ROBO2: variants seen among roughly 807,000 people sequenced by gnomAD.
ROBO2 encodes roundabout guidance receptor 2.
A neutral mutation model predicts 160.8 loss-of-function variants in ROBO2; 53 were observed. The ratio of observed to expected loss-of-function variants is 0.33; its 90% CI spans 0.26 to 0.41. ROBO2 has a LOEUF of 0.41. Among genes scored for constraint, ROBO2 ranks in the 10% least tolerant of loss-of-function variants. The pLI is 1.00. For missense variants in ROBO2, 1,577 were observed against 1,722.4 expected, an observed-to-expected ratio of 0.92 and a Z score of 1.49; for synonymous variants, 664 against 611.7, an observed-to-expected ratio of 1.09 and a Z score of -1.26.
chr3:75,966,996 ATG>A (rs148962233), intron 2 of ROBO2, among the ~76,000 whole-genome samples: 6 of 151,006 alleles, frequency 4.0e-5, no homozygotes, highest in Admixed American at 2.0e-4. Flanking sequence ...GATTTCCACA[ATG>A]TGTGTGTGTG....
At chr3:76,050,994 A>G (rs529428969) in intron 2 of ROBO2, among the ~76,000 whole-genome samples, 3 of 152,294 alleles carry the variant, frequency 2.0e-5, no homozygotes, top group South Asian at 4.1e-4. Flanking sequence ...ATATCCTGTG[A>G]TGAGTTTATC....
At chr3:75,907,852 CGTGTGT>C (rs56058203) in intron 1 of ROBO2, among the ~76,000 whole-genome samples, 6 of 148,680 alleles carry the variant, frequency 4.0e-5, no homozygotes, top group East Asian at 2.0e-4. Flanking sequence ...TAATCGTGTG[CGTGTGT>C]GTGTGTGTGT....
intron 2 of ROBO2, among the ~76,000 whole-genome samples, chr3:77,153,266 C>T (rs1404945085): frequency 2.6e-5 from 4 of 151,982 alleles, no homozygotes; most frequent in Non-Finnish European, 4.4e-5. Context: ...AATTCAATAT[C>T]GTTACTGGTT....
intron 2 of ROBO2, among the ~76,000 whole-genome samples, chr3:77,022,462 T>C (rs2149512550): frequency 6.6e-6 from 1 of 152,306 alleles, no homozygotes; most frequent in Non-Finnish European, 1.5e-5. Context: ...ACAGAAAATA[T>C]ATTAAGACAC....
At chr3:77,393,135 T>C (rs187531315) in intron 2 of ROBO2, among the ~76,000 whole-genome samples, 1 of 152,308 alleles carries the variant, frequency 6.6e-6, no homozygotes, top group East Asian at 1.9e-4. Flanking sequence ...ATTTTCTTAA[T>C]GAAATCTCAT....
chr3:76,567,640 TATATATATATATAC>T lies in ROBO2; in HGVS notation c.110-530372_110-530359del, dbSNP rs1201984932. Among the ~76,000 whole-genome samples, 77 of 93,338 alleles carry T rather than the reference TATATATATATATAC, an allele frequency of 8.2e-4. 7 individuals carry two copies. In the South Asian group the frequency reaches 9.4e-3, roughly 11 times the overall value. 61.2% of individuals were successfully genotyped at this position (93,338 alleles called of 152,430 possible). A position where few individuals can be genotyped will look rare whatever the true frequency, so the allele number is the denominator to read the frequency against. Reference sequence around the variant, plus strand: ...CTACTGATATATATATATATATATATATATATATATATACACATACACATATATATACATATATA... The same window carrying T: ...CTACTGATATATATATATATATATATACATACACATATATATACATATATA... On this transcript the variant is annotated intron_variant, in intron 2 of 26. Transcript: ENST00000487694.
rs1438002924 is a variant in ROBO2, at chr3:76,322,181, TATATATATATATATATATATATA to T, written c.109+384585_109+384607del. On this transcript the variant is annotated intron_variant, in intron 2 of 26. Coordinates refer to the ROBO2 transcript ENST00000487694. ...CTTCTTCCGTATATATATATATATA[TATATATATATATATATATATATA>T]ATATACACACACATATATACACACA... Among the ~76,000 whole-genome samples, 32 of 58,296 alleles carry T rather than the reference TATATATATATATATATATATATA, an allele frequency of 5.5e-4. 1 individual carries two copies. Among genetic ancestry groups the T allele is most frequent in the Admixed American group, 1.6e-3 (10 of 6,172 alleles). 38.2% of individuals were successfully genotyped at this position (58,296 alleles called of 152,430 possible).
At chr3:76,328,197 G>C (rs1308282916) in intron 2 of ROBO2, among the ~76,000 whole-genome samples, 1 of 152,144 alleles carries the variant, frequency 6.6e-6, no homozygotes. Flanking sequence ...AGTTTGAGCA[G>C]AGCACAATCT....
In ROBO2 at chr3:77,632,577, C is replaced by T. The variant is rs553805908; in HGVS notation, c.3761-2293C>T. The T allele has an allele frequency of 7.4e-5, 113 of 1,535,696 alleles. 1 individual carries two copies. In the South Asian group the frequency reaches 8.8e-4, roughly 12 times the overall value. ...CCTCAGATGGCTCTATCTTTGCCAG[C>T]GGCAGTTTTGCACAAGCACTGGTGG... On this transcript the variant is annotated intron_variant, in intron 23 of 25. Coordinates refer to ENST00000461745, the Ensembl canonical transcript of ROBO2.
intron 2 of ROBO2, among the ~76,000 whole-genome samples, chr3:77,210,581 A>G (rs938507236): frequency 7.9e-5 from 12 of 152,044 alleles, no homozygotes; most frequent in African/African-American, 2.7e-4. Flanking sequence ...GAAAAATAAA[A>G]TCTCACAAAT....
intron 2 of ROBO2, among the ~76,000 whole-genome samples, chr3:76,955,711 G>A (rs2149203531): frequency 1.3e-5 from 2 of 152,152 alleles, no homozygotes; most frequent in South Asian, 4.2e-4. Flanking sequence ...AGTAAGAAAT[G>A]TTTTAATGTC....
At chr3:76,145,642 T>A (rs2071856469) in intron 2 of ROBO2, among the ~76,000 whole-genome samples, 1 of 152,172 alleles carries the variant, frequency 6.6e-6, no homozygotes, top group East Asian at 1.9e-4. Context: ...CATGGAGATA[T>A]AGATACAGAA....
intron 2 of ROBO2, among the ~76,000 whole-genome samples, chr3:76,530,031 A>G (rs2108036009): frequency 6.6e-6 from 1 of 151,900 alleles, no homozygotes; most frequent in Non-Finnish European, 1.5e-5. Flanking sequence ...TTGGGCAGAC[A>G]CTCTCTCATC....
intron 2 of ROBO2, among the ~76,000 whole-genome samples, chr3:76,485,112 G>A (rs879871693): frequency 6.6e-6 from 1 of 152,022 alleles, no homozygotes; most frequent in Admixed American, 6.6e-5. Context: ...GATGAATCAA[G>A]CGCATTATAT....
intron 2 of ROBO2, among the ~76,000 whole-genome samples, chr3:76,175,038 T>C (rs1186423263): frequency 6.6e-6 from 1 of 152,172 alleles, no homozygotes; most frequent in Non-Finnish European, 1.5e-5. Context: ...TTTTATTTTA[T>C]TGAGCAGTGG....
chr3:76,951,982 A>AT (rs1437363127), intron 2 of ROBO2, among the ~76,000 whole-genome samples: 5 of 152,140 alleles, frequency 3.3e-5, no homozygotes, highest in African/African-American at 1.2e-4. Flanking sequence ...TGTAAAATGT[A>AT]TTTTTTCTCA....
At chr3:76,214,885 C>T (rs538747613) in intron 2 of ROBO2, among the ~76,000 whole-genome samples, 12 of 152,140 alleles carry the variant, frequency 7.9e-5, no homozygotes, top group African/African-American at 2.7e-4. Flanking sequence ...CCCTGACTCC[C>T]GAGTAGCCTA....
intron 2 of ROBO2, among the ~76,000 whole-genome samples, chr3:77,359,859 T>A (rs1281363978): frequency 1.3e-5 from 2 of 151,946 alleles, no homozygotes; most frequent in Admixed American, 6.6e-5. Flanking sequence ...TTTTATCGTT[T>A]ATTTTCTGTA....
At chr3:76,070,392 C>A (rs1292393453) in intron 2 of ROBO2, among the ~76,000 whole-genome samples, 1 of 152,144 alleles carries the variant, frequency 6.6e-6, no homozygotes, top group Non-Finnish European at 1.5e-5. Context: ...GGACTCCAGT[C>A]TCCCATAGCG....
Sources: allele counts gnomAD v4.1 joint callset (sites outside exome capture counted in the v4.1 genomes callset), GRCh38; gene constraint gnomAD v4.1.1; transcripts MANE v1.5; gene names NCBI Gene and HGNC (gene_info 2026-07-23, HGNC 2026-07-21).